Variants in DSCAM observed in about 807,000 individuals in gnomAD.
DSCAM encodes DS cell adhesion molecule.
Under a neutral mutation model 217.7 loss-of-function variants are expected in DSCAM, and 47 were observed. That is an observed-to-expected ratio of 0.22 (90% CI 0.17 to 0.28). The LOEUF is 0.28. Among genes scored for constraint, DSCAM ranks in the 10% least tolerant of loss-of-function variants. DSCAM has a pLI of 1.00. For synonymous variants in DSCAM, 1,056 were observed against 1,015.3 expected (o/e 1.04, Z -0.76); for missense variants, 2,080 against 2,618.3 (o/e 0.79, Z 4.49).
intron 3 of DSCAM, among the ~76,000 whole-genome samples, chr21:40,574,306 A>G (rs1021199852): frequency 3.3e-5 from 5 of 152,228 alleles, no homozygotes; most frequent in Non-Finnish European, 7.3e-5. Context: ...TTTCTAATAC[A>G]AAATTGGCTT....
Position 40,660,899 on chromosome 21 carries a change from A to G in DSCAM, c.508+31911T>C, listed in dbSNP as rs552221112. ...CTGCTGAAGAAAAGCAGCCTCCTCT[A>G]TTGCAAGGAGAACTCATGGCAATGT... is the stretch of plus-strand genomic sequence containing the variant. On this transcript the variant is annotated intron_variant, in intron 3 of 32. Transcript: ENST00000400454. Among the ~76,000 whole-genome samples the G allele has an allele frequency of 2.6e-5, 4 of 152,306 alleles. No homozygotes were observed. The South Asian group carries it at 6.2e-4, about 24-fold the overall frequency.
At chr21:40,200,898 T>C (rs1393933920) in intron 11 of DSCAM, among the ~76,000 whole-genome samples, 1 of 152,220 alleles carries the variant, frequency 6.6e-6, no homozygotes, top group Admixed American at 6.5e-5. Context: ...CAAAAATTTC[T>C]CCTGTCCAAA....
intron 4 of DSCAM, among the ~76,000 whole-genome samples, chr21:40,355,481 T>C (rs2074681879): frequency 6.6e-6 from 1 of 152,214 alleles, no homozygotes; most frequent in Non-Finnish European, 1.5e-5. Context: ...CAAGTTTGTT[T>C]GAATGGAGTG....
Position 40,083,931 on chromosome 21 carries a change from T to G in DSCAM, c.4208A>C (p.Asp1403Ala). The change falls in exon 24 of 33, where the codon GAC becomes GCC. Residue 1403 changes from aspartate (D) to alanine (A), a missense_variant. Physicochemically the swap from Asp to Ala is moderately radical, Grantham distance 126. Around this residue, in one of 5 missense-constraint regions of DSCAM, gnomAD observed 1,144 missense variants for 1,421.1 expected, o/e 0.81. Transcript: ENST00000400454. ...ACCTCTGATAGAGCTGCCCCCGTTG[T>G]CTCCAGGGAGCCAAGAAAGGGTGAT... The part of the protein sequence containing the change: ...SSITLSWLPG[D>A]NGGSSIRGYI... The G allele has an allele frequency of 6.2e-7, 1 of 1,613,678 alleles. No individual in the cohort carries two copies. Among genetic ancestry groups the G allele is most frequent in the African/African-American group, 1.3e-5 (1 of 75,012 alleles).
chr21:40,793,501 T>C (rs1383977144), intron 1 of DSCAM, among the ~76,000 whole-genome samples: 1 of 152,160 alleles, frequency 6.6e-6, no homozygotes, highest in African/African-American at 2.4e-5. Flanking sequence ...TTTATTATTA[T>C]TATTTTTTGA....
Position 40,729,530 on chromosome 21 carries a change from C to T in DSCAM, c.44-20759G>A, listed in dbSNP as rs188710672. On this transcript the variant is annotated intron_variant, in intron 1 of 32. Transcript: ENST00000400454. ...TCATCTAAAGCCTTATAAACTGAATCGTGTTCCTTTGTAATCACTTAACAT... is the reference window on the plus strand; with the variant it reads ...TCATCTAAAGCCTTATAAACTGAATTGTGTTCCTTTGTAATCACTTAACAT... 5.3e-5 allele frequency among the ~76,000 whole-genome samples: 8 copies of T among 152,278 alleles called. No individual in the cohort carries two copies. The South Asian group carries it at 6.2e-4, about 12-fold the overall frequency.
At chr21:40,248,790 C>T (rs1324970118) in intron 11 of DSCAM, among the ~76,000 whole-genome samples, 1 of 152,126 alleles carries the variant, frequency 6.6e-6, no homozygotes, top group Admixed American at 6.6e-5. Flanking sequence ...TAGTCTGTTT[C>T]CACACTGCTG....
intron 3 of DSCAM, among the ~76,000 whole-genome samples, chr21:40,445,550 T>C (rs140509813): frequency 3.9e-5 from 6 of 152,326 alleles, no homozygotes; most frequent in Admixed American, 3.3e-4. Flanking sequence ...GCTAATTTCA[T>C]ATGCCTCCCT....
At chr21:40,339,013 T>A in intron 7 of DSCAM, 106 bp downstream of exon 7, 2 of 1,390,934 alleles carry the variant, frequency 1.4e-6, no homozygotes, top group Non-Finnish European at 2.0e-6. Context: ...GAAGCAACAG[T>A]TAATCCGCTC....
At chr21:40,417,504 CAAGTT>C (rs1204304885) in intron 3 of DSCAM, among the ~76,000 whole-genome samples, 3 of 152,012 alleles carry the variant, frequency 2.0e-5, no homozygotes, top group East Asian at 1.9e-4. Flanking sequence ...AACATGAACA[CAAGTT>C]AATTGTTGTG....
At chr21:40,421,393 C>G (rs1337071423) in intron 3 of DSCAM, among the ~76,000 whole-genome samples, 1 of 152,338 alleles carries the variant, frequency 6.6e-6, no homozygotes, top group East Asian at 1.9e-4. Context: ...AAGGGGAACC[C>G]AGCCTGCTCA....
intron 1 of DSCAM, among the ~76,000 whole-genome samples, chr21:40,753,435 GGAGT>G (rs1486706344): frequency 6.6e-6 from 1 of 152,172 alleles, no homozygotes; most frequent in Non-Finnish European, 1.5e-5. Context: ...ATGGGAGAAG[GGAGT>G]GAGTAAATTA....
At chr21:40,755,247 G>A (rs578150895) in intron 1 of DSCAM, among the ~76,000 whole-genome samples, 25 of 152,026 alleles carry the variant, frequency 1.6e-4, no homozygotes, top group African/African-American at 5.5e-4. Flanking sequence ...GGAGTTCAAG[G>A]CCAGCCTGGC....
intron 3 of DSCAM, among the ~76,000 whole-genome samples, chr21:40,394,949 G>T (rs1040780025): frequency 6.6e-6 from 1 of 152,122 alleles, no homozygotes; most frequent in African/African-American, 2.4e-5. Flanking sequence ...ATTTCCCAAG[G>T]GAACTCTAAG....
At chr21:40,386,215 T>TATACAC (rs1343152235) in intron 3 of DSCAM, among the ~76,000 whole-genome samples, 2 of 152,210 alleles carry the variant, frequency 1.3e-5, no homozygotes, top group Admixed American at 1.3e-4. Context: ...AAACAAAAAG[T>TATACAC]ATAAAAATGT....
intron 11 of DSCAM, among the ~76,000 whole-genome samples, chr21:40,214,750 A>C (rs2091225435): frequency 1.3e-5 from 2 of 151,358 alleles, no homozygotes; most frequent in Non-Finnish European, 2.9e-5. Context: ...AAAAAAAAAA[A>C]AACAAAACAA....
At chr21:40,803,517 G>A (rs1367525282) in intron 1 of DSCAM, among the ~76,000 whole-genome samples, 2 of 152,276 alleles carry the variant, frequency 1.3e-5, no homozygotes, top group East Asian at 3.9e-4. Context: ...TTTTAGTGCT[G>A]CAACACCCTC....
At chr21:40,256,232 G>A (rs540670620) in intron 11 of DSCAM, among the ~76,000 whole-genome samples, 89 of 152,264 alleles carry the variant, frequency 5.8e-4, no homozygotes, top group Middle Eastern at 6.8e-3. Context: ...ATATGCACAC[G>A]TTAATATGTG....
chr21:40,840,077 A>G (rs1260685984), intron 1 of DSCAM, among the ~76,000 whole-genome samples: 6 of 152,264 alleles, frequency 3.9e-5, no homozygotes, highest in African/African-American at 1.2e-4. Context: ...CCAAAAATCA[A>G]AAGCTGATAA....
Sources: allele counts gnomAD v4.1 joint callset (sites outside exome capture counted in the v4.1 genomes callset), GRCh38; gene constraint gnomAD v4.1.1; regional missense constraint gnomAD v4.1.1; transcripts MANE v1.5; gene names NCBI Gene and HGNC (gene_info 2026-07-23, HGNC 2026-07-21).